TRABD2B: variants seen among roughly 807,000 people sequenced by gnomAD.
The protein encoded by TRABD2B is metalloprotease TIKI2.
A neutral mutation model predicts 40.1 loss-of-function variants in TRABD2B; 14 were observed. The observed-to-expected ratio is 0.35, with a 90% CI of 0.23 to 0.55. TRABD2B has a LOEUF of 0.55. Ranked by LOEUF, TRABD2B falls within the 20% of genes least tolerant of loss-of-function variation. The pLI is 0.90. For synonymous variants in TRABD2B, 263 were observed against 277.0 expected, an observed-to-expected ratio of 0.95 and a Z score of 0.50; for missense variants, 541 against 648.6, an observed-to-expected ratio of 0.83 and a Z score of 1.80.
intron 2 of TRABD2B, among the ~76,000 whole-genome samples, chr1:47,979,047 C>T (rs893337996): frequency 2.6e-5 from 4 of 152,010 alleles, no homozygotes; most frequent in East Asian, 1.9e-4. Flanking sequence ...CACCAGGAGT[C>T]GGTCAGAGCA....
Position 47,820,630 on chromosome 1 carries a change from C to T in TRABD2B, c.667-19011G>A, listed in dbSNP as rs141459269. Among the ~76,000 whole-genome samples the T allele has an allele frequency of 6.1e-4, 93 of 152,298 alleles. 1 individual carries two copies. In the East Asian group the frequency reaches 0.013, roughly 22 times the overall value. On this transcript the variant is annotated intron_variant, in intron 2 of 6. Coordinates refer to ENST00000606738, the MANE Select transcript of TRABD2B (RefSeq NM_001194986.2). ...CACCCTGCTTTTTTCCCCAGCCAGC[C>T]CTATGCCCTCACTGCTTCCAGCACC...
In TRABD2B at chr1:47,794,802, T is replaced by G. The variant is rs549497006; in HGVS notation, c.814-42A>C. On this transcript the variant is annotated intron_variant, in intron 3 of 6. Transcript: ENST00000606738. ...GAGGCTGCCTTCAGTTTTTTTTTTT[T>G]TTTTTTTTTTGATAAAGGGTGTTAC... is the stretch of plus-strand genomic sequence containing the variant. The G allele has an allele frequency of 1.4e-3, 1,993 of 1,455,992 alleles. 20 individuals carry two copies. The African/African-American group carries it at 0.026, about 19-fold the overall frequency. The allele number at this position is 1,455,992 out of a possible 1,614,324, so 90.2% of individuals were successfully genotyped here.
intron 2 of TRABD2B, among the ~76,000 whole-genome samples, chr1:47,949,173 G>A (rs1020023635): frequency 1.3e-5 from 2 of 152,114 alleles, no homozygotes; most frequent in Non-Finnish European, 2.9e-5. Flanking sequence ...CTGTGGGACA[G>A]ACACTATTCT....
chr1:47,944,843 G>C (rs1025475541), intron 2 of TRABD2B, among the ~76,000 whole-genome samples: 1 of 152,186 alleles, frequency 6.6e-6, no homozygotes, highest in Non-Finnish European at 1.5e-5. Context: ...AGCCAGCTCT[G>C]TCCTGGGCAA....
rs1261782158 is a variant in TRABD2B at position 47,904,166 on chromosome 1, T to C, written c.666+89868A>G. ...TGGGATGATGTTTGCAGAGGGAAAA[T>C]GAGGGAAGGCTTCCTGGAGGAGGAG... is the stretch of plus-strand genomic sequence containing the variant. On this transcript the variant is annotated intron_variant, in intron 2 of 6. Coordinates refer to ENST00000606738, the MANE Select transcript of TRABD2B (RefSeq NM_001194986.2). 2.6e-5 allele frequency among the ~76,000 whole-genome samples: 4 copies of C among 151,916 alleles called. No individual in the cohort carries two copies. The East Asian group carries it at 7.7e-4, about 29-fold the overall frequency.
intron 2 of TRABD2B, among the ~76,000 whole-genome samples, chr1:47,817,382 T>C (rs895858163): frequency 7.2e-5 from 11 of 152,028 alleles, no homozygotes; most frequent in Non-Finnish European, 1.3e-4. Flanking sequence ...AACCTCGGGA[T>C]TGGGGGCCCT....
rs144576774 is a variant in TRABD2B, at chr1:47,774,170, G to A, written c.1349+1000C>T. On this transcript the variant is annotated intron_variant, in intron 6 of 6. Coordinates refer to ENST00000606738, the MANE Select transcript of TRABD2B (RefSeq NM_001194986.2). ...ATTCTGATACATGAGGTCTGCGGTG[G>A]GGCCTGAGAATCTGTTTATTTAACG... Among the ~76,000 whole-genome samples, 166 of 152,182 alleles carry A rather than the reference G, an allele frequency of 1.1e-3. 4 individuals carry two copies. The East Asian group carries it at 0.018, about 17-fold the overall frequency.
intron 2 of TRABD2B, among the ~76,000 whole-genome samples, chr1:47,838,321 A>G (rs1645346419): frequency 6.6e-6 from 1 of 152,200 alleles, no homozygotes; most frequent in Non-Finnish European, 1.5e-5. Flanking sequence ...GAGGCAGGGA[A>G]GGCTGAGGCT....
rs1465181264 is a variant in TRABD2B, at chr1:47,813,885, AC to A, written c.667-12267del. On this transcript the variant is annotated intron_variant, in intron 2 of 6. Transcript: ENST00000606738. The surrounding 1 kb of genome is among the most constrained non-coding windows in gnomAD (Gnocchi z 4.3). ...GCCAAGGCCATGGGACCAAATCAGT[AC>A]CCTGTCCATCCTTGACAAGCTCAAA... 6.6e-6 allele frequency among the ~76,000 whole-genome samples: 1 copy of A among 152,200 alleles called. No homozygotes were observed. Among genetic ancestry groups the A allele is most frequent in the Non-Finnish European group, 1.5e-5 (1 of 68,032 alleles).
chr1:47,899,676 T>C (rs1156292345), intron 2 of TRABD2B, among the ~76,000 whole-genome samples: 1 of 152,098 alleles, frequency 6.6e-6, no homozygotes, highest in Non-Finnish European at 1.5e-5. Context: ...GTTTTGTGTG[T>C]TTGTGCAATA....
intron 2 of TRABD2B, among the ~76,000 whole-genome samples, chr1:47,823,343 G>A (rs534950722): frequency 5.9e-5 from 9 of 152,380 alleles, no homozygotes; most frequent in Non-Finnish European, 1.2e-4. Context: ...CAGCAGGTTC[G>A]TGCCTGGGTC....
At chr1:47,853,867 G>C (rs969780820) in intron 2 of TRABD2B, among the ~76,000 whole-genome samples, 3 of 152,194 alleles carry the variant, frequency 2.0e-5, no homozygotes, top group Admixed American at 6.5e-5. Context: ...GTCGTAGCTA[G>C]AGTGGACTTT....
chr1:47,920,495 G>A (rs1644887843), intron 2 of TRABD2B, among the ~76,000 whole-genome samples: 1 of 152,208 alleles, frequency 6.6e-6, no homozygotes, highest in African/African-American at 2.4e-5. Context: ...TTCCCCTGGG[G>A]GCAGCCCCAC....
intron 2 of TRABD2B, among the ~76,000 whole-genome samples, chr1:47,933,754 G>A (rs774585387): frequency 1.1e-4 from 17 of 152,172 alleles, no homozygotes; most frequent in Non-Finnish European, 2.1e-4. Flanking sequence ...TACAGGGCTT[G>A]ACACAGTGAG....
intron 2 of TRABD2B, among the ~76,000 whole-genome samples, chr1:47,856,062 T>A (rs939200562): frequency 5.9e-5 from 9 of 152,188 alleles, no homozygotes; most frequent in Non-Finnish European, 1.2e-4. Flanking sequence ...GAGAAACCAT[T>A]TTCCCTGGAA....
chr1:47,894,991 C>A (rs1226733204), intron 2 of TRABD2B, among the ~76,000 whole-genome samples: 1 of 152,144 alleles, frequency 6.6e-6, no homozygotes, highest in African/African-American at 2.4e-5. Flanking sequence ...TCCTCCACCA[C>A]CCCAGTCCTG....
At position 47,877,090 on chromosome 1, in the gene TRABD2B, G is replaced by A. The variant is rs1311001688; in HGVS notation, c.667-75471C>T. On this transcript the variant is annotated intron_variant, in intron 2 of 6. Coordinates refer to ENST00000606738, the MANE Select transcript of TRABD2B (RefSeq NM_001194986.2). ...AATTGGGGTTAGGGAATAATGATGG[G>A]GACAGGAAAGAGGCACTCAGAAAGG... Among the ~76,000 whole-genome samples the A allele has an allele frequency of 3.3e-5, 5 of 152,074 alleles. No homozygotes were observed. In the East Asian group the frequency reaches 7.8e-4, roughly 24 times the overall value.
At chr1:47,766,412 A>T in intron 6 of TRABD2B, among the ~76,000 whole-genome samples, 1 of 152,078 alleles carries the variant, frequency 6.6e-6, no homozygotes, top group East Asian at 1.9e-4. Flanking sequence ...CAGAAAGAAT[A>T]GTGTTTTGGG....
chr1:47,945,672 G>A (rs903555765), intron 2 of TRABD2B, among the ~76,000 whole-genome samples: 1 of 151,934 alleles, frequency 6.6e-6, no homozygotes, highest in African/African-American at 2.4e-5. Flanking sequence ...TCATTTTTCG[G>A]TCTGACTTCT....
Sources: allele counts gnomAD v4.1 joint callset (sites outside exome capture counted in the v4.1 genomes callset), GRCh38; gene constraint gnomAD v4.1.1; non-coding constraint Gnocchi (gnomAD v3.1); transcripts MANE v1.5; gene names NCBI Gene and HGNC (gene_info 2026-07-23, HGNC 2026-07-21).